Variants in DTWD2 observed in about 807,000 individuals in gnomAD.
The protein encoded by DTWD2 is DTW motif tRNA-uridine aminocarboxypropyltransferase 2, also known as tRNA-uridine aminocarboxypropyltransferase 2.
DTWD2 carries 39 observed loss-of-function variants against 31.8 expected under a neutral mutation model. The ratio of observed to expected loss-of-function variants is 1.22; its 90% CI spans 0.95 to 1.60. The LOEUF (loss-of-function observed/expected upper bound fraction) is 1.60. DTWD2 is among the 40% of genes most tolerant of loss of function. The pLI is 0.00. For missense variants in DTWD2, 515 were observed against 381.5 expected (o/e 1.35, Z -2.92); for synonymous variants, 180 against 142.8 (o/e 1.26, Z -1.86).
intron 1 of DTWD2, among the ~76,000 whole-genome samples, chr5:118,977,091 T>C (rs967227215): frequency 4.0e-5 from 6 of 151,106 alleles, no homozygotes; most frequent in African/African-American, 1.5e-4. Flanking sequence ...AAAAACCACA[T>C]GATTATCTCA....
chr5:118,840,913 T>C lies in DTWD2; in HGVS notation c.*4A>G. 6.2e-7 allele frequency: 1 copy of C among 1,611,476 alleles called. No homozygotes were observed. The highest frequency in any genetic ancestry group is 1.3e-5 in the African/African-American group (1 of 74,954). On this transcript the variant is annotated 3_prime_UTR_variant, in exon 6 of 6. Transcript: ENST00000510708. ...GTTAAGCTAGCACCAAAAGAATAAC[T>C]GTACTAAATTTTAACACTATTCATT...
At chr5:118,966,085 T>G (rs57988123) in intron 1 of DTWD2, among the ~76,000 whole-genome samples, 1 of 152,004 alleles carries the variant, frequency 6.6e-6, no homozygotes, top group East Asian at 1.9e-4. Context: ...CATAAAGATA[T>G]CAGCTACGGT....
At chr5:118,881,907 T>C (rs770291985) in intron 4 of DTWD2, among the ~76,000 whole-genome samples, 4 of 152,168 alleles carry the variant, frequency 2.6e-5, no homozygotes, top group East Asian at 1.9e-4. Context: ...AACTATATCA[T>C]TCCGTCCCTG....
intron 1 of DTWD2, chr5:118,974,809 CAA>C: frequency 1.2e-5 from 4 of 323,418 alleles, no homozygotes; most frequent in Non-Finnish European, 1.9e-5. Context: ...GTTGTTCTAA[CAA>C]AAAAAAAAAT....
At position 118,884,434 on chromosome 5, in the gene DTWD2, C is replaced by T. The variant is rs1027711154; in HGVS notation, c.598-36216G>A. ...CATCAGTAACACTAGAAGATAATTCCATGTCACATAAATTTGCTGTAACTA... is the reference window on the plus strand; with the variant it reads ...CATCAGTAACACTAGAAGATAATTCTATGTCACATAAATTTGCTGTAACTA... On this transcript the variant is annotated intron_variant, in intron 4 of 5. Coordinates refer to ENST00000510708, the MANE Select transcript of DTWD2 (RefSeq NM_173666.4). Among the ~76,000 whole-genome samples, 10 of 152,164 alleles carry T rather than the reference C, an allele frequency of 6.6e-5. No homozygotes were observed. In the East Asian group the frequency reaches 1.9e-3, roughly 29 times the overall value.
chr5:118,944,125 A>T (rs1472204543), intron 2 of DTWD2, among the ~76,000 whole-genome samples: 1 of 152,230 alleles, frequency 6.6e-6, no homozygotes, highest in Non-Finnish European at 1.5e-5. Context: ...TCTTCTATTC[A>T]TCTAAAATAA....
chr5:118,915,077 C>T (rs529403874), intron 4 of DTWD2, among the ~76,000 whole-genome samples: 4 of 151,996 alleles, frequency 2.6e-5, no homozygotes, highest in East Asian at 1.9e-4. Flanking sequence ...ATTAGCTGGG[C>T]GTGGCAGCAC....
chr5:118,848,279 T>C (rs1018613299), intron 4 of DTWD2, 61 bp from the exon 5 acceptor site: 110 of 1,450,270 alleles, frequency 7.6e-5, no homozygotes, highest in Non-Finnish European at 9.5e-5. Flanking sequence ...ATAAAGTTTG[T>C]GTTTTAAATA....
intron 4 of DTWD2, among the ~76,000 whole-genome samples, chr5:118,855,839 C>A (rs1253522001): frequency 6.6e-6 from 1 of 152,072 alleles, no homozygotes; most frequent in African/African-American, 2.4e-5. Flanking sequence ...TATAATATCA[C>A]CAGCCAGAGA....
At chr5:118,949,477 A>G (rs1754410853) in intron 1 of DTWD2, among the ~76,000 whole-genome samples, 1 of 152,234 alleles carries the variant, frequency 6.6e-6, no homozygotes, top group African/African-American at 2.4e-5. Context: ...AATTTGGTTG[A>G]TAAGGCATAG....
chr5:118,863,644 T>C (rs945318436), intron 4 of DTWD2, among the ~76,000 whole-genome samples: 5 of 152,186 alleles, frequency 3.3e-5, no homozygotes, highest in African/African-American at 1.2e-4. Flanking sequence ...TTTTGAGTCA[T>C]TGTATTATAG....
At chr5:118,970,962 G>A (rs1419301055) in intron 1 of DTWD2, among the ~76,000 whole-genome samples, 3 of 152,182 alleles carry the variant, frequency 2.0e-5, no homozygotes, top group African/African-American at 7.2e-5. Flanking sequence ...CACCAGGCCT[G>A]CCTTTCAAGA....
At chr5:118,958,266 AAC>A (rs2149591753) in intron 1 of DTWD2, among the ~76,000 whole-genome samples, 1 of 152,268 alleles carries the variant, frequency 6.6e-6, no homozygotes, top group South Asian at 2.1e-4. Flanking sequence ...CATCCTGGCT[AAC>A]ACAGTGAAAC....
At chr5:118,880,974 C>T (rs1334215591) in intron 4 of DTWD2, among the ~76,000 whole-genome samples, 1 of 152,154 alleles carries the variant, frequency 6.6e-6, no homozygotes, top group African/African-American at 2.4e-5. Context: ...GTGTTGCATG[C>T]AAATGATTTG....
chr5:118,849,446 A>T (rs1048833647), intron 4 of DTWD2, among the ~76,000 whole-genome samples: 1 of 152,220 alleles, frequency 6.6e-6, no homozygotes, highest in African/African-American at 2.4e-5. Flanking sequence ...AACTAGTTCA[A>T]TCACTGTAGA....
chr5:118,973,589 T>C (rs1755042243), intron 1 of DTWD2, among the ~76,000 whole-genome samples: 1 of 144,260 alleles, frequency 6.9e-6, no homozygotes, highest in African/African-American at 2.9e-5. Context: ...AAAGCCATCT[T>C]TGCATTGTTC....
chr5:118,859,787 A>G (rs1033822573), intron 4 of DTWD2, among the ~76,000 whole-genome samples: 6 of 152,190 alleles, frequency 3.9e-5, no homozygotes, highest in Non-Finnish European at 7.3e-5. Flanking sequence ...TTGCCTGACT[A>G]CCACTTTTTT....
At chr5:118,886,412 T>C (rs1279815759) in intron 4 of DTWD2, among the ~76,000 whole-genome samples, 1 of 152,146 alleles carries the variant, frequency 6.6e-6, no homozygotes, top group Non-Finnish European at 1.5e-5. Context: ...GTGGGTACTA[T>C]GGAAATAGTG....
At chr5:118,949,657 G>A (rs1180665316) in intron 1 of DTWD2, among the ~76,000 whole-genome samples, 2 of 152,080 alleles carry the variant, frequency 1.3e-5, no homozygotes, top group Non-Finnish European at 2.9e-5. Flanking sequence ...GTGGGGTAAG[G>A]GTGATTAGGT....
Sources: gnomAD v4.1 joint callset for allele counts (sites outside exome capture counted in the v4.1 genomes callset) on GRCh38, gnomAD v4.1.1 for gene constraint, MANE v1.5 for transcripts, NCBI Gene and HGNC (gene_info 2026-07-23, HGNC 2026-07-21) for gene names.